Variants in AHI1 observed in about 807,000 individuals in gnomAD.
AHI1 encodes jouberin.
AHI1 carries 123 observed loss-of-function variants against 149.3 expected under a neutral mutation model. That is an observed-to-expected ratio of 0.82 (90% confidence interval 0.71 to 0.96). The LOEUF is 0.96. AHI1 is among the 40% of genes least tolerant of loss of function. The probability of loss-of-function intolerance (pLI) is 0.00; values close to 1 mark genes in which losing one functional copy is unlikely to be tolerated. For synonymous variants in AHI1, 475 were observed against 459.8 expected (o/e 1.03, Z -0.42); for missense variants, 1,439 against 1,422.7 (o/e 1.01, Z -0.18).
At chr6:135,402,342 A>G (rs1370972626) in intron 22 of AHI1, among the ~76,000 whole-genome samples, 2 of 152,234 alleles carry the variant, frequency 1.3e-5, no homozygotes, top group Non-Finnish European at 2.9e-5. Context: ...AAATGAGAAT[A>G]TATATCCACA....
chr6:135,473,900 T>C (rs1034480740), intron 5 of AHI1, among the ~76,000 whole-genome samples: 1 of 152,194 alleles, frequency 6.6e-6, no homozygotes, highest in Admixed American at 6.5e-5. Flanking sequence ...GTTCAACGTA[T>C]GATTTTTTTT....
At chr6:135,487,709 T>C (rs1446171236) in intron 5 of AHI1, among the ~76,000 whole-genome samples, 3 of 152,176 alleles carry the variant, frequency 2.0e-5, no homozygotes, top group African/African-American at 4.8e-5. Flanking sequence ...TTTTGAAATA[T>C]ACAATAAATT....
intron 12 of AHI1, among the ~76,000 whole-genome samples, chr6:135,447,918 T>C (rs1402286900): frequency 6.6e-6 from 1 of 152,212 alleles, no homozygotes; most frequent in African/African-American, 2.4e-5. Flanking sequence ...GGCCTACATA[T>C]GTCTATGTAG....
intron 5 of AHI1, among the ~76,000 whole-genome samples, chr6:135,473,071 CTCTTA>C (rs992821912): frequency 3.9e-5 from 6 of 152,092 alleles, no homozygotes; most frequent in African/African-American, 7.2e-5. Flanking sequence ...TCCTATGTTT[CTCTTA>C]TAAGTTCTAC....
At chr6:135,426,145 A>G (rs1439160235) in intron 20 of AHI1, among the ~76,000 whole-genome samples, 2 of 151,780 alleles carry the variant, frequency 1.3e-5, no homozygotes, top group Admixed American at 1.3e-4. Context: ...TGAGGAATCC[A>G]TCTATTTTTT....
At chr6:135,432,645 C>T (rs1784830450) in intron 16 of AHI1, among the ~76,000 whole-genome samples, 4 of 152,120 alleles carry the variant, frequency 2.6e-5, no homozygotes, top group South Asian at 4.1e-4. Flanking sequence ...AACCACCGCG[C>T]CCGGCCACCA....
intron 23 of AHI1, among the ~76,000 whole-genome samples, chr6:135,383,226 C>CTTTTTTTTTTTTTTTTTTTTTTTT (rs764546253): frequency 3.9e-5 from 3 of 76,870 alleles, no homozygotes; most frequent in African/African-American, 2.0e-4. Flanking sequence ...TCCCCCCTCC[C>CTTTTTTTTTTTTTTTTTTTTTTTT]TTTTTTTTTT....
At chr6:135,484,102 G>GCC (rs1794130055) in intron 5 of AHI1, among the ~76,000 whole-genome samples, 1 of 152,156 alleles carries the variant, frequency 6.6e-6, no homozygotes, top group African/African-American at 2.4e-5. Flanking sequence ...GACAAAGAGA[G>GCC]AGCTTGTGCA....
At chr6:135,307,370 T>C in intron 26 of AHI1, among the ~76,000 whole-genome samples, 1 of 152,236 alleles carries the variant, frequency 6.6e-6, no homozygotes, top group East Asian at 1.9e-4. Context: ...ATGAAAAGAT[T>C]AGCGTATGTT....
intron 23 of AHI1, among the ~76,000 whole-genome samples, chr6:135,384,650 T>A (rs1777315608): frequency 6.6e-6 from 1 of 152,226 alleles, no homozygotes; most frequent in Non-Finnish European, 1.5e-5. Context: ...AGTTTTATTA[T>A]TAAAAGTGTT....
chr6:135,478,427 T>C (rs1307148301), intron 5 of AHI1, among the ~76,000 whole-genome samples: 2 of 152,222 alleles, frequency 1.3e-5, no homozygotes, highest in Non-Finnish European at 2.9e-5. Flanking sequence ...CTGGCGGCAC[T>C]GTGACCCTGC....
intron 20 of AHI1, among the ~76,000 whole-genome samples, chr6:135,421,190 C>T (rs368880599): frequency 6.6e-5 from 10 of 152,000 alleles, no homozygotes; most frequent in South Asian, 2.1e-4. Context: ...AAGCACTCAC[C>T]GCAGATCACC....
At chr6:135,440,455 T>C (rs1786102237) in intron 14 of AHI1, among the ~76,000 whole-genome samples, 1 of 152,066 alleles carries the variant, frequency 6.6e-6, no homozygotes, top group African/African-American at 2.4e-5. Flanking sequence ...AACTCCAAAA[T>C]ATTCCTGGGT....
intron 26 of AHI1, among the ~76,000 whole-genome samples, chr6:135,310,288 C>G (rs1785020547): frequency 6.6e-6 from 1 of 152,104 alleles, no homozygotes; most frequent in Non-Finnish European, 1.5e-5. Flanking sequence ...TTATACAGCA[C>G]AATTATTAGA....
intron 22 of AHI1, among the ~76,000 whole-genome samples, chr6:135,395,119 C>T (rs1013493740): frequency 6.6e-6 from 1 of 151,832 alleles, no homozygotes; most frequent in Non-Finnish European, 1.5e-5. Context: ...GAAAATAAAT[C>T]AGCCTTACTG....
chr6:135,398,283 A>G (rs1033402297), intron 22 of AHI1, among the ~76,000 whole-genome samples: 4 of 152,134 alleles, frequency 2.6e-5, no homozygotes, highest in African/African-American at 9.6e-5. Context: ...GGTATTATAA[A>G]GAGCAATTCA....
intron 24 of AHI1, among the ~76,000 whole-genome samples, chr6:135,329,504 C>T (rs1482299507): frequency 6.6e-6 from 1 of 152,164 alleles, no homozygotes; most frequent in Non-Finnish European, 1.5e-5. Context: ...TTAAGCCCTA[C>T]TGCTTTGTGA....
chr6:135,471,222 G>GT (rs1328415756), intron 5 of AHI1, among the ~76,000 whole-genome samples: 2 of 152,062 alleles, frequency 1.3e-5, no homozygotes, highest in African/African-American at 4.8e-5. Flanking sequence ...AGAAAAGGCT[G>GT]TTTTTTGTTT....
intron 26 of AHI1, among the ~76,000 whole-genome samples, chr6:135,308,896 C>G (rs887413892): frequency 2.0e-5 from 3 of 152,170 alleles, no homozygotes; most frequent in Admixed American, 1.3e-4. Flanking sequence ...TGCCTTCAGG[C>G]TGGATAAACT....
Sources: gnomAD v4.1 joint callset for allele counts (sites outside exome capture counted in the v4.1 genomes callset) on GRCh38, gnomAD v4.1.1 for gene constraint, MANE v1.5 for transcripts, NCBI Gene and HGNC (gene_info 2026-07-23, HGNC 2026-07-21) for gene names.